RERE: variants seen among roughly 807,000 people sequenced by gnomAD.
The protein encoded by RERE is arginine-glutamic acid dipeptide repeats protein.
In RERE, 40 loss-of-function variants were observed where a neutral mutation model predicts 146.1. The observed-to-expected ratio is 0.27, with a 90% CI of 0.21 to 0.36. RERE has a LOEUF of 0.36. Among genes scored for constraint, RERE ranks in the 10% least tolerant of loss-of-function variants. RERE has a pLI of 1.00. For missense variants in RERE, 1,933 were observed against 2,138.7 expected (o/e 0.90, Z 1.90); for synonymous variants, 1,003 against 866.0 (o/e 1.16, Z -2.78).
intron 12 of RERE, among the ~76,000 whole-genome samples, chr1:8,392,868 G>C (rs1389419083): frequency 6.6e-6 from 1 of 152,202 alleles, no homozygotes; most frequent in Non-Finnish European, 1.5e-5. Flanking sequence ...AAGCGATACA[G>C]AGTGCTGCAG....
At chr1:8,384,600 G>A (rs1463813818) in intron 12 of RERE, among the ~76,000 whole-genome samples, 2 of 152,242 alleles carry the variant, frequency 1.3e-5, no homozygotes, top group African/African-American at 2.4e-5. Context: ...TATCTGAACT[G>A]ATGAATATCA....
At chr1:8,443,437 G>A (rs1179617401) in intron 11 of RERE, among the ~76,000 whole-genome samples, 1 of 133,768 alleles carries the variant, frequency 7.5e-6, no homozygotes, top group Non-Finnish European at 1.6e-5. Flanking sequence ...TGAGTGACAG[G>A]TGAGACTCAG....
At chr1:8,789,301 A>AAAAAAAAAAAAAAAAAT in intron 1 of RERE, among the ~76,000 whole-genome samples, 3 of 24,814 alleles carry the variant, frequency 1.2e-4, no homozygotes, top group Non-Finnish European at 1.3e-4. Context: ...AAAAAAAAAA[A>AAAAAAAAAAAAAAAAAT]ATATATATAT....
chr1:8,410,539 T>C (rs1643585056), intron 12 of RERE, among the ~76,000 whole-genome samples: 1 of 152,254 alleles, frequency 6.6e-6, no homozygotes, highest in Non-Finnish European at 1.5e-5. Context: ...AAAATGGAAC[T>C]GTTCAAAACC....
chr1:8,523,036 G>C (rs1215543512), intron 7 of RERE, among the ~76,000 whole-genome samples: 1 of 152,006 alleles, frequency 6.6e-6, no homozygotes, highest in Non-Finnish European at 1.5e-5. Context: ...AAATTAGCCA[G>C]GTGTGGTGGC....
chr1:8,656,944 T>A (rs1638329528), intron 1 of RERE, among the ~76,000 whole-genome samples: 1 of 152,074 alleles, frequency 6.6e-6, no homozygotes, highest in South Asian at 2.1e-4. Flanking sequence ...CGAGATCCCA[T>A]CTCCAACATA....
At chr1:8,770,932 T>C (rs959584444) in intron 1 of RERE, among the ~76,000 whole-genome samples, 2 of 152,222 alleles carry the variant, frequency 1.3e-5, no homozygotes, top group Middle Eastern at 3.2e-3. Context: ...TGTTTTCTTA[T>C]GGAATACCTG....
At chr1:8,744,373 G>C (rs1640377576) in intron 1 of RERE, among the ~76,000 whole-genome samples, 1 of 152,154 alleles carries the variant, frequency 6.6e-6, no homozygotes, top group Non-Finnish European at 1.5e-5. Flanking sequence ...AACATTATGA[G>C]GGTCACACTA....
intron 1 of RERE, among the ~76,000 whole-genome samples, chr1:8,667,012 T>C (rs1638590391): frequency 6.6e-6 from 1 of 152,180 alleles, no homozygotes; most frequent in Non-Finnish European, 1.5e-5. Flanking sequence ...AGAGCAGCCT[T>C]TGTGGTATCA....
At chr1:8,438,240 C>G (rs1644197679) in intron 11 of RERE, among the ~76,000 whole-genome samples, 1 of 122,540 alleles carries the variant, frequency 8.2e-6, no homozygotes, top group Non-Finnish European at 1.6e-5. Context: ...ATCCTGCTGC[C>G]TCAGCCTCCC....
At chr1:8,757,612 T>C (rs186150246) in intron 1 of RERE, among the ~76,000 whole-genome samples, 4 of 144,040 alleles carry the variant, frequency 2.8e-5, no homozygotes, top group Admixed American at 7.1e-5. Context: ...CCACAGCTGA[T>C]AGAACATTGT....
At chr1:8,566,185 G>A (rs1646150359) in intron 4 of RERE, among the ~76,000 whole-genome samples, 3 of 152,150 alleles carry the variant, frequency 2.0e-5, no homozygotes, top group South Asian at 4.1e-4. Flanking sequence ...CCACAGGGTC[G>A]TCTTCTGCAT....
At chr1:8,461,833 A>G (rs1043813439) in intron 11 of RERE, among the ~76,000 whole-genome samples, 2 of 151,990 alleles carry the variant, frequency 1.3e-5, no homozygotes, top group Non-Finnish European at 2.9e-5. Context: ...GCTTTTTCCA[A>G]AAGTACTTTT....
intron 1 of RERE, among the ~76,000 whole-genome samples, chr1:8,776,844 G>A (rs894984454): frequency 2.0e-5 from 3 of 151,834 alleles, no homozygotes; most frequent in African/African-American, 4.8e-5. Flanking sequence ...CTCAGCCTCC[G>A]GAATAGCTGA....
At chr1:8,411,113 T>A (rs555451810) in intron 12 of RERE, among the ~76,000 whole-genome samples, 6 of 152,304 alleles carry the variant, frequency 3.9e-5, no homozygotes, top group African/African-American at 1.4e-4. Context: ...ATGGTACACT[T>A]TTGTATGAGT....
At chr1:8,702,272 G>A (rs1289336626) in intron 1 of RERE, among the ~76,000 whole-genome samples, 1 of 152,172 alleles carries the variant, frequency 6.6e-6, no homozygotes, top group Admixed American at 6.5e-5. Flanking sequence ...GAGGCCTCCA[G>A]CCAAACAATG....
intron 1 of RERE, among the ~76,000 whole-genome samples, chr1:8,688,635 C>A (rs1267124401): frequency 1.3e-5 from 2 of 152,118 alleles, no homozygotes; most frequent in Non-Finnish European, 2.9e-5. Flanking sequence ...CTCCCAGCTA[C>A]TCCAGAAGCT....
At chr1:8,591,428 TAAAAAAA>T (rs70982795) in intron 4 of RERE, among the ~76,000 whole-genome samples, 1 of 142,586 alleles carries the variant, frequency 7.0e-6, no homozygotes, top group Non-Finnish European at 1.5e-5. Context: ...CTTTTTGCTT[TAAAAAAA>T]AAAAAAAGAA....
chr1:8,609,432 G>C (rs1291264286), intron 4 of RERE, among the ~76,000 whole-genome samples: 1 of 151,506 alleles, frequency 6.6e-6, no homozygotes, highest in African/African-American at 2.4e-5. Flanking sequence ...TTCATTTAGG[G>C]TAGCTGGATT....
Sources: gnomAD v4.1 joint callset for allele counts (sites outside exome capture counted in the v4.1 genomes callset) on GRCh38, gnomAD v4.1.1 for gene constraint, MANE v1.5 for transcripts, NCBI Gene and HGNC (gene_info 2026-07-23, HGNC 2026-07-21) for gene names.